ERG: variants seen among roughly 807,000 people sequenced by gnomAD.
ERG encodes the protein transcriptional regulator ERG.
ERG carries 9 observed loss-of-function variants against 55.3 expected under a neutral mutation model. That is an observed-to-expected ratio of 0.16 (90% CI 0.10 to 0.28). The LOEUF (loss-of-function observed/expected upper bound fraction) is 0.28, where lower values mean the gene tolerates loss of function less well. ERG is among the 10% of genes least tolerant of loss of function. ERG has a pLI of 1.00. For synonymous variants in ERG, 223 were observed against 237.3 expected, an observed-to-expected ratio of 0.94 and a Z score of 0.55; for missense variants, 434 against 631.6, an observed-to-expected ratio of 0.69 and a Z score of 3.35.
At chr21:38,520,351 C>T (rs975697613) in intron 2 of ERG, among the ~76,000 whole-genome samples, 2 of 152,086 alleles carry the variant, frequency 1.3e-5, no homozygotes, top group African/African-American at 4.8e-5. Flanking sequence ...GAGAAGTAGC[C>T]CTCTAGACTG....
At chr21:38,373,202 G>T in the ERG span, among the ~76,000 whole-genome samples, 126 of 152,286 alleles carry the variant, frequency 8.3e-4, 1 homozygote, top group Non-Finnish European at 1.4e-3. Flanking sequence ...ATTCATAATG[G>T]TCTAGGTCCC....
intron 1 of ERG, among the ~76,000 whole-genome samples, chr21:38,632,272 T>C (rs2060361194): frequency 6.6e-6 from 1 of 152,134 alleles, no homozygotes; most frequent in South Asian, 2.1e-4. Flanking sequence ...GAAAAGATGC[T>C]CAATGTCACT....
At chr21:38,595,915 T>A (rs1355215869) in intron 1 of ERG, among the ~76,000 whole-genome samples, 1 of 152,024 alleles carries the variant, frequency 6.6e-6, no homozygotes, top group Non-Finnish European at 1.5e-5. Flanking sequence ...CATTATGAGG[T>A]TTATTCAGCA....
At chr21:38,447,724 G>A (rs553828431) in intron 1 of ERG, among the ~76,000 whole-genome samples, 34 of 152,086 alleles carry the variant, frequency 2.2e-4, no homozygotes, top group African/African-American at 8.2e-4. Flanking sequence ...TTCCCATGGT[G>A]GCACTGGCTA....
At chr21:38,567,751 T>C (rs74324929) in intron 2 of ERG, among the ~76,000 whole-genome samples, 6 of 152,352 alleles carry the variant, frequency 3.9e-5, no homozygotes, top group East Asian at 1.9e-4. Flanking sequence ...CCCTTCGCCA[T>C]AGCGATGGGA....
At chr21:38,571,087 A>G (rs945859312) in intron 2 of ERG, among the ~76,000 whole-genome samples, 5 of 151,988 alleles carry the variant, frequency 3.3e-5, no homozygotes, top group African/African-American at 4.8e-5. Context: ...TGGATTTGCT[A>G]TTTTTTTTGT....
chr21:38,541,007 G>A (rs1343120474), intron 2 of ERG, among the ~76,000 whole-genome samples: 1 of 152,142 alleles, frequency 6.6e-6, no homozygotes, highest in Non-Finnish European at 1.5e-5. Context: ...GGAGGCACTG[G>A]GGTGGAAGGG....
chr21:38,437,189 C>T (rs1185385115), intron 2 of ERG, among the ~76,000 whole-genome samples: 1 of 152,192 alleles, frequency 6.6e-6, no homozygotes, highest in Non-Finnish European at 1.5e-5. Flanking sequence ...TGCACCCGGC[C>T]AGCTTCACTT....
At chr21:38,469,002 GAAAAAAAAA>G (rs796522125) in intron 1 of ERG, among the ~76,000 whole-genome samples, 3 of 62,098 alleles carry the variant, frequency 4.8e-5, no homozygotes, top group African/African-American at 1.3e-4. Context: ...AAAAAAAAAA[GAAAAAAAAA>G]AAAGAAAATG....
intron 1 of ERG, among the ~76,000 whole-genome samples, chr21:38,578,931 A>T (rs776945202): frequency 2.0e-5 from 3 of 152,120 alleles, no homozygotes; most frequent in Admixed American, 6.5e-5. Flanking sequence ...ATAAAAGGAG[A>T]CTCAAACAGG....
At chr21:38,529,207 A>G (rs1196601066) in intron 2 of ERG, among the ~76,000 whole-genome samples, 1 of 152,188 alleles carries the variant, frequency 6.6e-6, no homozygotes, top group Non-Finnish European at 1.5e-5. Flanking sequence ...CATAAATCTC[A>G]TCTGATCTGT....
At chr21:38,514,485 A>G (rs2059537187) in intron 2 of ERG, among the ~76,000 whole-genome samples, 1 of 151,952 alleles carries the variant, frequency 6.6e-6, no homozygotes, top group African/African-American at 2.4e-5. Flanking sequence ...TTACATTGTA[A>G]AGAAAATTTA....
At chr21:38,630,098 A>G (rs945143385) in intron 1 of ERG, among the ~76,000 whole-genome samples, 1 of 152,104 alleles carries the variant, frequency 6.6e-6, no homozygotes, top group African/African-American at 2.4e-5. Context: ...ACCAGGGGCT[A>G]TGGAAAGGGG....
chr21:38,504,925 T>G (rs1204568159), intron 2 of ERG, among the ~76,000 whole-genome samples: 1 of 152,220 alleles, frequency 6.6e-6, no homozygotes, highest in Admixed American at 6.5e-5. Context: ...TATGAATTAT[T>G]TTTAAAGAAA....
At chr21:38,498,697 T>A (rs772816586), upstream of ERG, among the ~76,000 whole-genome samples, 1 of 151,838 alleles carries the variant, frequency 6.6e-6, no homozygotes, top group East Asian at 1.9e-4. This position sits in a 1 kb window ranked among gnomAD's most constrained non-coding sequence, Gnocchi z 4.6. Context: ...CCACAGCAGG[T>A]GTGACCGGTG....
chr21:38,418,927 C>CAAA (rs35001409), intron 3 of ERG, among the ~76,000 whole-genome samples: 16 of 80,858 alleles, frequency 2.0e-4, no homozygotes, highest in Non-Finnish European at 1.9e-4. Flanking sequence ...GACTTTGTCT[C>CAAA]AAAAAAAAAA....
intron 1 of ERG, among the ~76,000 whole-genome samples, chr21:38,596,037 A>G (rs2146902478): frequency 7.9e-6 from 1 of 127,086 alleles, no homozygotes; most frequent in East Asian, 2.5e-4. Flanking sequence ...TCCTCTCTAT[A>G]TAAAAATTGG....
intron 2 of ERG, among the ~76,000 whole-genome samples, chr21:38,525,261 C>T (rs943843115): frequency 2.0e-5 from 3 of 152,130 alleles, no homozygotes; most frequent in Non-Finnish European, 2.9e-5. Flanking sequence ...ATCTTCCCCG[C>T]GCCCCTCCTG....
At position 38,481,368 on chromosome 21, in the gene ERG, T is replaced by C. The variant is rs529829808; in HGVS notation, c.18+16995A>G. 2.0e-5 allele frequency among the ~76,000 whole-genome samples: 3 copies of C among 152,330 alleles called. No individual in the cohort carries two copies. The South Asian group carries it at 6.2e-4, about 32-fold the overall frequency. On this transcript the variant is annotated intron_variant, in intron 1 of 9. Transcript: ENST00000288319. ...GCGGACGCTGTGGAAACAATGGTGA[T>C]ATGAATTCTTAAATGATTAAAGAAA...
Sources: gnomAD v4.1 joint callset for allele counts (sites outside exome capture counted in the v4.1 genomes callset) on GRCh38, gnomAD v4.1.1 for gene constraint, Gnocchi (gnomAD v3.1) non-coding constraint, MANE v1.5 for transcripts, NCBI Gene and HGNC (gene_info 2026-07-23, HGNC 2026-07-21) for gene names.